Variants in MRPS9 observed in about 807,000 individuals in gnomAD.
MRPS9 encodes mitochondrial ribosomal protein S9.
MRPS9 carries 45 observed loss-of-function variants against 59.9 expected under a neutral mutation model. The ratio of observed to expected loss-of-function variants is 0.75; its 90% CI spans 0.59 to 0.96. MRPS9 has a LOEUF of 0.96. Ranked by LOEUF, MRPS9 falls within the 40% of genes least tolerant of loss-of-function variation. The pLI, the probability that MRPS9 is intolerant of heterozygous loss-of-function variation, is 0.00. For missense variants in MRPS9, 473 were observed against 481.1 expected (o/e 0.98, Z 0.16); for synonymous variants, 171 against 166.8 (o/e 1.03, Z -0.19).
intron 1 of MRPS9, chr2:105,038,521 G>A: frequency 2.5e-6 from 1 of 405,236 alleles, no homozygotes; most frequent in Non-Finnish European, 4.6e-6. Context: ...TCGGTGCCTA[G>A]GTCTGTGTTG....
At position 105,075,183 on chromosome 2, in the gene MRPS9, T is replaced by C. The variant is rs1313721764; in HGVS notation, c.409+3694T>C. On this transcript the variant is annotated intron_variant, in intron 4 of 10. Transcript: ENST00000258455. ...TAATCGCACTGTTGATCTGACAGGA[T>C]GTGGCACTCAGGCGGTAATGTGAGC... Among the ~76,000 whole-genome samples the C allele has an allele frequency of 3.3e-5, 5 of 152,276 alleles. No individual in the cohort carries two copies. The East Asian group carries it at 9.7e-4, about 30-fold the overall frequency.
At chr2:105,038,550 C>T (rs1679436837) in intron 1 of MRPS9, 1 of 287,026 alleles carries the variant, frequency 3.5e-6, no homozygotes, top group Non-Finnish European at 6.7e-6. Flanking sequence ...CCTACCCTGC[C>T]CTGCTGTCTA....
Position 105,049,351 on chromosome 2 carries a change from G to C in MRPS9, c.315+1G>C. On this transcript the variant is annotated splice_donor_variant, in intron 2 of 10. Coordinates refer to ENST00000258455, the MANE Select transcript of MRPS9 (RefSeq NM_182640.3). LOFTEE classifies it high-confidence loss of function. ...AACTTTCACTCAAGAAGATATTGAC[G>C]TAAGTACAGTTACTCTGTTGAAAAA... 6.2e-7 allele frequency: 1 copy of C among 1,604,140 alleles called. No homozygotes were observed. The highest frequency in any genetic ancestry group is 8.5e-7 in the Non-Finnish European group (1 of 1,177,012).
chr2:105,099,112 A>C (rs1252865259), intron 10 of MRPS9: 1 of 152,242 alleles, frequency 6.6e-6, no homozygotes, highest in Non-Finnish European at 1.5e-5. Context: ...ACAAAAAAAC[A>C]GGGAATATTA....
chr2:105,082,345 G>T (rs1680363924), intron 5 of MRPS9, among the ~76,000 whole-genome samples: 1 of 152,200 alleles, frequency 6.6e-6, no homozygotes, highest in Non-Finnish European at 1.5e-5. Flanking sequence ...CCATTGGCCA[G>T]GAGCTGTGAC....
At chr2:105,048,845 C>T (rs1679657186) in intron 1 of MRPS9, among the ~76,000 whole-genome samples, 1 of 151,792 alleles carries the variant, frequency 6.6e-6, no homozygotes, top group Non-Finnish European at 1.5e-5. Flanking sequence ...TGTCAAATAT[C>T]AAAACTCACT....
rs780103515 is a variant in MRPS9, at chr2:105,049,204, C to T, written c.169C>T (p.Pro57Ser). ...LRLRHTAFVI[P>S]KKNVPTSKRE... ...GCTAAGACATACTGCATTTGTAATA[C>T]CAAAGAAAAACGTTCCTACCTCAAA... The change falls in exon 2 of 11, where the codon CCA (proline) becomes TCA (serine). Residue 57 changes from proline (P) to serine (S), a missense_variant. Transcript: ENST00000258455. 1 of 1,610,102 alleles carries T rather than the reference C, an allele frequency of 6.2e-7. No homozygotes were observed. Among genetic ancestry groups the T allele is most frequent in the African/African-American group, 1.3e-5 (1 of 74,602 alleles).
chr2:105,095,793 A>G (rs1264452029), intron 9 of MRPS9, among the ~76,000 whole-genome samples: 15 of 151,306 alleles, frequency 9.9e-5, no homozygotes, highest in Non-Finnish European at 4.4e-5. Context: ...CACTGCGCCC[A>G]GCCTAAATTT....
chr2:105,080,970 C>A (rs947560642), intron 5 of MRPS9, among the ~76,000 whole-genome samples: 38 of 152,106 alleles, frequency 2.5e-4, no homozygotes, highest in African/African-American at 9.2e-4. Flanking sequence ...GAGCTTCTTG[C>A]CCTGGCAGAA....
chr2:105,039,200 G>A (rs1679455905), intron 1 of MRPS9, among the ~76,000 whole-genome samples: 1 of 150,050 alleles, frequency 6.7e-6, no homozygotes, highest in African/African-American at 2.5e-5. Flanking sequence ...TTGCAGGAAA[G>A]TCAAATACCA....
In MRPS9 at chr2:105,099,845, C is replaced by T; in HGVS notation, c.*84C>T. The T allele has an allele frequency of 8.2e-7, 1 of 1,216,282 alleles. No individual in the cohort carries two copies. Among genetic ancestry groups the T allele is most frequent in the Admixed American group, 1.9e-5 (1 of 52,304 alleles). 75.3% of individuals were successfully genotyped at this position (1,216,282 alleles called of 1,614,324 possible). A position where few individuals can be genotyped will look rare whatever the true frequency, so the allele number is the denominator to read the frequency against. ...CACACAGTAAATAATGGCTGACCAG[C>T]ATGAGGGCAGTACTGTCAGAAATTT... On this transcript the variant is annotated 3_prime_UTR_variant, in exon 11 of 11. Coordinates refer to ENST00000258455, the MANE Select transcript of MRPS9 (RefSeq NM_182640.3).
intron 4 of MRPS9, 70 bp downstream of exon 4, chr2:105,071,559 C>A: frequency 1.4e-6 from 2 of 1,463,570 alleles, no homozygotes; most frequent in Non-Finnish European, 1.9e-6. Context: ...TATGTATCAG[C>A]GGTTGCTCAC....
At chr2:105,048,211 A>T (rs1679632635) in intron 1 of MRPS9, among the ~76,000 whole-genome samples, 1 of 152,030 alleles carries the variant, frequency 6.6e-6, no homozygotes, top group African/African-American at 2.4e-5. Context: ...AGGGACATGG[A>T]TGAAATTGGA....
chr2:105,082,903 G>C (rs991346263), intron 5 of MRPS9, among the ~76,000 whole-genome samples: 1 of 152,028 alleles, frequency 6.6e-6, no homozygotes, highest in Non-Finnish European at 1.5e-5. Context: ...TAATGAAAAA[G>C]TATAAAACCA....
chr2:105,076,326 G>T (rs1680211959), intron 4 of MRPS9, among the ~76,000 whole-genome samples: 1 of 152,176 alleles, frequency 6.6e-6, no homozygotes, highest in Admixed American at 6.5e-5. Flanking sequence ...TACACACAAA[G>T]AAATCAGTGT....
At chr2:105,056,332 C>T (rs1679791160) in intron 2 of MRPS9, among the ~76,000 whole-genome samples, 1 of 151,928 alleles carries the variant, frequency 6.6e-6, no homozygotes. Context: ...TATAATTTAA[C>T]CTTACAGTGC....
intron 9 of MRPS9, among the ~76,000 whole-genome samples, chr2:105,095,139 A>G (rs1185628316): frequency 6.6e-6 from 1 of 152,192 alleles, no homozygotes; most frequent in African/African-American, 2.4e-5. Flanking sequence ...GGAACTTACA[A>G]ATCAGCAGTG....
chr2:105,089,810 A>AT, intron 6 of MRPS9, 110 bp from the exon 7 acceptor site: 1 of 677,818 alleles, frequency 1.5e-6, no homozygotes, highest in Non-Finnish European at 2.4e-6. Context: ...GCTATATAAT[A>AT]TAAAAACTGA....
At chr2:105,045,004 A>G (rs921724588) in intron 1 of MRPS9, among the ~76,000 whole-genome samples, 1 of 152,172 alleles carries the variant, frequency 6.6e-6, no homozygotes, top group African/African-American at 2.4e-5. Context: ...AAAGCTAAAA[A>G]TTCATAGTGG....
Sources: gnomAD v4.1 joint callset for allele counts (sites outside exome capture counted in the v4.1 genomes callset) on GRCh38, gnomAD v4.1.1 for gene constraint, MANE v1.5 for transcripts, NCBI Gene and HGNC (gene_info 2026-07-23, HGNC 2026-07-21) for gene names.